The following MX2 variants were observed in gnomAD, a reference collection of about 807,000 sequenced individuals.
MX2 encodes MX dynamin like GTPase 2, also known as interferon-induced GTP-binding protein Mx2.
Under a neutral mutation model 74.0 loss-of-function variants are expected in MX2, and 51 were observed. The ratio of observed to expected loss-of-function variants is 0.69; its 90% CI spans 0.55 to 0.87. The LOEUF is 0.87. MX2 is among the 40% of genes least tolerant of loss of function. The pLI is 0.00. For missense variants in MX2, 832 were observed against 908.7 expected (o/e 0.92, Z 1.09); for synonymous variants, 369 against 339.3 (o/e 1.09, Z -0.96).
At chr21:41,395,491 T>A (rs1353279481) in intron 6 of MX2, 96 bp from the exon 7 acceptor site, 1 of 1,111,792 alleles carries the variant, frequency 9.0e-7, no homozygotes, top group Non-Finnish European at 1.3e-6. Flanking sequence ...GCAGAAGACC[T>A]TGTTGGCCAA....
chr21:41,403,000 C>A lies in MX2; in HGVS notation c.1574-267C>A. 1 of 400,016 alleles carries A rather than the reference C, an allele frequency of 2.5e-6. No individual in the cohort carries two copies. The highest frequency in any genetic ancestry group is 5.1e-5 in the East Asian group (1 of 19,424). The allele number at this position is 400,016 out of a possible 1,614,324, so 24.8% of individuals were successfully genotyped here. A position where few individuals can be genotyped will look rare whatever the true frequency, so the allele number is the denominator to read the frequency against. ...TGGTCCAGCCTGGGAGTTGGGGACC[C>A]CTGATGTAAGGAATAGTCAGAGGCT... On this transcript the variant is annotated intron_variant, in intron 11 of 13. Transcript: ENST00000330714. The surrounding 1 kb of genome is among the most constrained non-coding windows in gnomAD (Gnocchi z 4.5).
intron 5 of MX2, among the ~76,000 whole-genome samples, chr21:41,384,884 C>T (rs2089549178): frequency 6.6e-6 from 1 of 151,848 alleles, no homozygotes. Flanking sequence ...AATAAAATGC[C>T]CTACCTTAAG....
rs141903767 is a variant in MX2 at position 41,385,425 on chromosome 21, A to G, written c.732+2861A>G. Reference sequence around the variant, plus strand: ...TCCCGTGCTGTTCTCTTACTAGTGAATATGTCTCATGAGATCTAATGGTTT... The same window carrying G: ...TCCCGTGCTGTTCTCTTACTAGTGAGTATGTCTCATGAGATCTAATGGTTT... On this transcript the variant is annotated intron_variant, in intron 5 of 13. Transcript: ENST00000330714. 1.2e-4 allele frequency among the ~76,000 whole-genome samples: 19 copies of G among 152,274 alleles called. 1 individual carries two copies. The East Asian group carries it at 3.7e-3, about 29-fold the overall frequency.
At chr21:41,371,569 C>T (rs408825) in intron 1 of MX2, among the ~76,000 whole-genome samples, 74,788 of 152,022 alleles carry the variant, frequency 0.49, 21,881 homozygotes, top group East Asian at 0.8. Context: ...TGCTTAACTG[C>T]GTACATGAAA....
chr21:41,370,379 G>T, intron 1 of MX2: 1 of 152,406 alleles, frequency 6.6e-6, no homozygotes. Flanking sequence ...GCCAGCATGG[G>T]GGTGCATTGG....
In MX2 at chr21:41,382,492, C is replaced by A. The variant is rs1198171145; in HGVS notation, c.660C>A (p.Asp220Glu). ...AGATCACCTCCCCTGAGGTTCCAGA[C>A]CTGACCATCATTGACCTTCCCGGCA... ...SLEITSPEVP[D>E]LTIIDLPGIT... is the part of the protein sequence containing the mutation. Residue 220 changes from aspartate to glutamate, a missense_variant, in exon 5 of 14, where the codon GAC becomes GAA. Physicochemically the swap from Asp to Glu is conservative, Grantham distance 45. Coordinates refer to ENST00000330714, the MANE Select transcript of MX2 (RefSeq NM_002463.2). The A allele has an allele frequency of 6.2e-7, 1 of 1,614,240 alleles. No individual in the cohort carries two copies. Among genetic ancestry groups the A allele is most frequent in the South Asian group, 1.1e-5 (1 of 91,090 alleles).
At chr21:41,385,083 C>T (rs771620315) in intron 5 of MX2, among the ~76,000 whole-genome samples, 3 of 152,126 alleles carry the variant, frequency 2.0e-5, no homozygotes, top group Non-Finnish European at 4.4e-5. Flanking sequence ...GTCTCACTGT[C>T]TTATCATCCA....
intron 2 of MX2, 87 bp from the exon 3 acceptor site, chr21:41,377,702 T>C: frequency 7.1e-7 from 1 of 1,417,594 alleles, no homozygotes; most frequent in South Asian, 1.3e-5. Flanking sequence ...CCTAACATCA[T>C]AGCCGCACAA....
At chr21:41,377,439 C>T (rs2089421328) in intron 2 of MX2, among the ~76,000 whole-genome samples, 1 of 152,186 alleles carries the variant, frequency 6.6e-6, no homozygotes. Flanking sequence ...CCAGCCCACC[C>T]ACTTGCCACC....
At chr21:41,376,438 C>G (rs563552274) in intron 1 of MX2, among the ~76,000 whole-genome samples, 1 of 152,170 alleles carries the variant, frequency 6.6e-6, no homozygotes, top group Non-Finnish European at 1.5e-5. Flanking sequence ...CCCAACTACT[C>G]GGTAAGCTGA....
chr21:41,377,721 A>G (rs1289595123), intron 2 of MX2, 68 bp from the exon 3 acceptor site: 3 of 1,503,662 alleles, frequency 2.0e-6, no homozygotes, highest in African/African-American at 2.8e-5. Context: ...AAACTCTGCC[A>G]CACATCTCCA....
Position 41,409,351 on chromosome 21 carries a change from T to G in MX2, c.*1118T>G, listed in dbSNP as rs1211603651. The G allele has an allele frequency of 6.6e-6, 1 of 152,204 alleles. No homozygotes were observed. Among genetic ancestry groups the G allele is most frequent in the East Asian group, 1.9e-4 (1 of 5,198 alleles). The allele number at this position is 152,204 out of a possible 1,614,324, so 9.4% of individuals were successfully genotyped here. The stretch of plus-strand genomic sequence containing the variant: ...TTCATGTTTTCCTGTATGTTTCAAA[T>G]GATGAACATATAGATTCCTTAATAA... On this transcript the variant is annotated 3_prime_UTR_variant, in exon 14 of 14. Transcript: ENST00000330714.
At chr21:41,372,477 T>C (rs965066925) in intron 1 of MX2, among the ~76,000 whole-genome samples, 3 of 152,238 alleles carry the variant, frequency 2.0e-5, no homozygotes, top group African/African-American at 7.2e-5. Flanking sequence ...GAAAGTTTGG[T>C]GGATAGATGT....
chr21:41,399,239 GAGA>G lies in MX2; in HGVS notation c.1322_1324del (p.Glu441del), dbSNP rs772568278. On this transcript the variant is annotated inframe_deletion, in exon 10 of 14. Coordinates refer to ENST00000330714, the MANE Select transcript of MX2 (RefSeq NM_002463.2). ...CAGGACATCGAAAAGTTAGTAGAAGGAGAAGAAGTTGTAAGGGAGAATGAGACC... is the reference window on the plus strand; with the variant it reads ...CAGGACATCGAAAAGTTAGTAGAAGGAGAAGTTGTAAGGGAGAATGAGACC... The G allele has an allele frequency of 4.3e-6, 7 of 1,613,942 alleles. No individual in the cohort carries two copies. Among genetic ancestry groups the G allele is most frequent in the Admixed American group, 1.7e-5 (1 of 60,014 alleles).
intron 1 of MX2, chr21:41,365,859 C>T (rs529431096): frequency 6.6e-6 from 1 of 152,390 alleles, no homozygotes; most frequent in Admixed American, 6.5e-5. Context: ...CAGAAGTGTT[C>T]CCCAAAAGGG....
intron 12 of MX2, chr21:41,404,893 A>AAAAAAAAAAAAAAAAAAAAGT (rs2089865375): frequency 6.7e-6 from 1 of 148,944 alleles, no homozygotes; most frequent in Non-Finnish European, 1.5e-5. Context: ...AAAAAAAAAG[A>AAAAAAAAAAAAAAAAAAAAGT]AAAAGAAAAA....
intron 1 of MX2, among the ~76,000 whole-genome samples, chr21:41,375,104 C>G (rs1175025909): frequency 6.6e-6 from 1 of 152,232 alleles, no homozygotes; most frequent in African/African-American, 2.4e-5. Context: ...CCAAGCCTTG[C>G]TCCTCTGCCC....
chr21:41,405,389 G>A (rs2089871487), intron 12 of MX2, among the ~76,000 whole-genome samples: 2 of 152,152 alleles, frequency 1.3e-5, no homozygotes, highest in Admixed American at 6.5e-5. Context: ...CATGGTTCTG[G>A]AGGCTGGGAG....
intron 8 of MX2, 29 bp downstream of exon 8, chr21:41,397,720 A>G: frequency 1.3e-6 from 2 of 1,587,924 alleles, no homozygotes; most frequent in Non-Finnish European, 1.7e-6. Flanking sequence ...GTGACAAGTC[A>G]TCAATACAGC....
Sources: allele counts gnomAD v4.1 joint callset (sites outside exome capture counted in the v4.1 genomes callset), GRCh38; gene constraint gnomAD v4.1.1; non-coding constraint Gnocchi (gnomAD v3.1); transcripts MANE v1.5; gene names NCBI Gene and HGNC (gene_info 2026-07-23, HGNC 2026-07-21).